Variants in PRRC2C observed in about 807,000 individuals in gnomAD.
PRRC2C encodes proline rich coiled-coil 2C.
Under a neutral mutation model 317.2 loss-of-function variants are expected in PRRC2C, and 72 were observed. The observed-to-expected ratio is 0.23, with a 90% CI of 0.19 to 0.28. The LOEUF is 0.28. Among genes scored for constraint, PRRC2C ranks in the 10% least tolerant of loss-of-function variants. The pLI is 1.00. For synonymous variants in PRRC2C, 1,296 were observed against 1,205.9 expected, an observed-to-expected ratio of 1.07 and a Z score of -1.55; for missense variants, 3,074 against 3,459.7, an observed-to-expected ratio of 0.89 and a Z score of 2.80.
At chr1:171,568,170 G>C in intron 22 of PRRC2C, 77 bp from the exon 23 acceptor site, 1 of 1,472,220 alleles carries the variant, frequency 6.8e-7, no homozygotes, top group East Asian at 2.5e-5. Flanking sequence ...GCATGATAGC[G>C]AGACTCAAAA....
In PRRC2C at chr1:171,561,075, C is replaced by A. The variant is rs778299215; in HGVS notation, c.6089C>A (p.Thr2030Lys). Residue 2030 changes from threonine (T) to lysine (K), a missense_variant, in exon 20 of 35, where the codon ACA becomes AAA. This residue lies in a region of PRRC2C where 640 missense variants were observed against 676.1 expected (regional missense o/e 0.95). Coordinates refer to ENST00000647382, the MANE Select transcript of PRRC2C (RefSeq NM_001387844.1). ...GTCAGTGCATGGAATAAGCCCTTAACATCGTTTGGATCAGCTCCTTCATCA... is the reference window on the plus strand; with the variant it reads ...GTCAGTGCATGGAATAAGCCCTTAAAATCGTTTGGATCAGCTCCTTCATCA... ...PSVSAWNKPL[T>K]SFGSAPSSEG... 1 of 1,606,750 alleles carries A rather than the reference C, an allele frequency of 6.2e-7. No homozygotes were observed. Among genetic ancestry groups the A allele is most frequent in the Non-Finnish European group, 8.5e-7 (1 of 1,173,280 alleles).
intron 26 of PRRC2C, 147 bp downstream of exon 26, chr1:171,577,784 T>TAA: frequency 1.2e-6 from 1 of 803,072 alleles, no homozygotes; most frequent in Non-Finnish European, 1.9e-6. Flanking sequence ...TTTTTTTTTT[T>TAA]TTTTTTTTTT....
rs145961831 is a variant in PRRC2C, at chr1:171,515,395, C to T, written c.401-339C>T. ...CACTATTTCAGTAATATGATTTGAACGAATTCTGAGAATTCTTAGCAGAGG... is the reference window on the plus strand; with the variant it reads ...CACTATTTCAGTAATATGATTTGAATGAATTCTGAGAATTCTTAGCAGAGG... On this transcript the variant is annotated intron_variant, in intron 4 of 34. Coordinates refer to ENST00000647382, the MANE Select transcript of PRRC2C (RefSeq NM_001387844.1). Among the ~76,000 whole-genome samples, 587 of 152,150 alleles carry T rather than the reference C, an allele frequency of 3.9e-3. 1 individual carries two copies. Among genetic ancestry groups the T allele is most frequent in the Non-Finnish European group, 5.0e-3 (341 of 68,024 alleles).
chr1:171,562,755 G>C (rs1682942806), intron 20 of PRRC2C, among the ~76,000 whole-genome samples: 1 of 152,166 alleles, frequency 6.6e-6, no homozygotes, highest in South Asian at 2.1e-4. Flanking sequence ...AGTTGGATAT[G>C]AGTCTGTAGT....
At position 171,571,441 on chromosome 1, in the gene PRRC2C, C is replaced by G; in HGVS notation, c.6753+20C>G. 2.6e-6 allele frequency: 4 copies of G among 1,519,566 alleles called. No homozygotes were observed. The highest frequency in any genetic ancestry group is 3.7e-6 in the Non-Finnish European group (4 of 1,094,506). 94.1% of individuals were successfully genotyped at this position (1,519,566 alleles called of 1,614,324 possible). On this transcript the variant is annotated intron_variant, in intron 24 of 34. Transcript: ENST00000647382. ...TTCAAGGTATGTACAACATCCATCT[C>G]TAAGAGTCCTTAATTGTTGCATGCA...
intron 10 of PRRC2C, among the ~76,000 whole-genome samples, chr1:171,525,794 A>C (rs970448282): frequency 2.0e-5 from 3 of 152,208 alleles, no homozygotes; most frequent in African/African-American, 7.2e-5. Context: ...TAGAAAGGGA[A>C]TATAGCTGTT....
chr1:171,486,048 C>T (rs1039715282), intron 1 of PRRC2C, among the ~76,000 whole-genome samples: 3 of 150,660 alleles, frequency 2.0e-5, no homozygotes, highest in Admixed American at 1.3e-4. Context: ...GAGGGGATTA[C>T]GCATGTTGCC....
At position 171,557,377 on chromosome 1, in the gene PRRC2C, A is replaced by G; in HGVS notation, c.5265A>G (p.Pro1755=). The stretch of plus-strand genomic sequence containing the variant: ...CAGTTCCACCTCTAGCTTCGGCTCC[A>G]CTTCCACCTTCAACCTCAGCTTCAG... The part of the protein sequence containing the change: ...SASVPPLASA[P]LPPSTSASVP... Residue 1755 remains proline, a synonymous_variant, in exon 19 of 35, where the codon CCA becomes CCG. Coordinates refer to ENST00000647382, the MANE Select transcript of PRRC2C (RefSeq NM_001387844.1). The G allele has an allele frequency of 1.3e-6, 2 of 1,551,736 alleles. No homozygotes were observed. The highest frequency in any genetic ancestry group is 1.7e-6 in the Non-Finnish European group (2 of 1,147,002).
rs879886950 is a variant in PRRC2C at position 171,545,774 on chromosome 1, C to T, written c.4972+87C>T. On this transcript the variant is annotated intron_variant, in intron 17 of 34. Coordinates refer to ENST00000647382, the MANE Select transcript of PRRC2C (RefSeq NM_001387844.1). The stretch of plus-strand genomic sequence containing the variant: ...GCTACATTTTAAAATGTAGATGCCA[C>T]AATTAAAGAAGTTTTCCAAGAAGGA... 10 of 929,498 alleles carry T rather than the reference C, an allele frequency of 1.1e-5. No homozygotes were observed. In the African/African-American group the frequency reaches 1.8e-4, roughly 17 times the overall value. The allele number at this position is 929,498 out of a possible 1,614,324, so 57.6% of individuals were successfully genotyped here.
chr1:171,524,886 A>G lies in PRRC2C; in HGVS notation c.1121A>G (p.Asn374Ser). 2.5e-6 allele frequency: 4 copies of G among 1,609,584 alleles called. No homozygotes were observed. Among genetic ancestry groups the G allele is most frequent in the Non-Finnish European group, 3.4e-6 (4 of 1,177,560 alleles). Reference protein sequence around the residue: ...ENKKETDEVSNTKSSSQIPAQ... With the variant: ...ENKKETDEVSSTKSSSQIPAQ... ...AAAAAAGAAACAGATGAAGTTTCCAACACTAAATCATCTTCCCAAATACCT... is the reference window on the plus strand; with the variant it reads ...AAAAAAGAAACAGATGAAGTTTCCAGCACTAAATCATCTTCCCAAATACCT... Residue 374 changes from asparagine (N) to serine (S), a missense_variant, in exon 10 of 35, where the codon AAC (asparagine) becomes AGC (serine). Asn to Ser is a conservative substitution (Grantham distance 46). Around this residue, in one of 11 missense-constraint regions of PRRC2C, gnomAD observed 1,320 missense variants for 1,395.7 expected, o/e 0.95. Transcript: ENST00000647382.
chr1:171,513,782 A>G (rs12035593), intron 3 of PRRC2C, among the ~76,000 whole-genome samples: 6,292 of 152,268 alleles, frequency 0.041, 190 homozygotes, highest in East Asian at 0.15. Context: ...TTTCTTGCCT[A>G]TCTCTTATCA....
intron 1 of PRRC2C, among the ~76,000 whole-genome samples, chr1:171,504,334 ATC>A (rs1669779560): frequency 1.3e-5 from 2 of 152,172 alleles, no homozygotes; most frequent in African/African-American, 4.8e-5. Flanking sequence ...TTGGTGTTAT[ATC>A]TAAGAAGTCC....
chr1:171,537,904 T>C (rs1387383615), intron 15 of PRRC2C, among the ~76,000 whole-genome samples: 1 of 151,748 alleles, frequency 6.6e-6, no homozygotes, highest in Non-Finnish European at 1.5e-5. Flanking sequence ...TGTTTTTGTT[T>C]TTGTTTTTGT....
At position 171,584,403 on chromosome 1, in the gene PRRC2C, A is replaced by T. The variant is rs1649385338; in HGVS notation, c.7642-16A>T. 6.5e-7 allele frequency: 1 copy of T among 1,536,308 alleles called. No individual in the cohort carries two copies. The highest frequency in any genetic ancestry group is 8.7e-7 in the Non-Finnish European group (1 of 1,144,638). ...TTTTCAGTCTTACTCATGTTTTCTT[A>T]AAAAATTTTTTCTAGGCCAGAGCAA... On this transcript the variant is annotated splice_polypyrimidine_tract_variant and intron_variant, in intron 29 of 34. Coordinates refer to ENST00000647382, the MANE Select transcript of PRRC2C (RefSeq NM_001387844.1).
intron 15 of PRRC2C, 34 bp downstream of exon 15, chr1:171,537,507 GA>G (rs1677048518): frequency 6.6e-7 from 1 of 1,516,506 alleles, no homozygotes; most frequent in Non-Finnish European, 8.9e-7. Context: ...AGATGATACA[GA>G]ATATTTTGGT....
At chr1:171,537,722 T>G (rs1677092047) in intron 15 of PRRC2C, among the ~76,000 whole-genome samples, 1 of 152,144 alleles carries the variant, frequency 6.6e-6, no homozygotes, top group African/African-American at 2.4e-5. Flanking sequence ...AGGTTCTTTT[T>G]TGAGATAGGA....
chr1:171,503,998 T>C (rs1669681808), intron 1 of PRRC2C, among the ~76,000 whole-genome samples: 1 of 152,170 alleles, frequency 6.6e-6, no homozygotes, highest in Non-Finnish European at 1.5e-5. Context: ...ACCGAGTCCC[T>C]CCCATGACAT....
intron 20 of PRRC2C, 90 bp from the exon 21 acceptor site, chr1:171,566,143 T>C: frequency 9.6e-7 from 1 of 1,039,008 alleles, no homozygotes; most frequent in Non-Finnish European, 1.4e-6. Context: ...GTCTTAAACC[T>C]TCTATTGTAC....
In PRRC2C at chr1:171,579,848, T is replaced by G. The variant is rs922731267; in HGVS notation, c.7293T>G (p.Ile2431Met). The G allele has an allele frequency of 6.3e-7, 1 of 1,578,520 alleles. No homozygotes were observed. Among genetic ancestry groups the G allele is most frequent in the Non-Finnish European group, 8.6e-7 (1 of 1,166,076 alleles). Residue 2431 changes from isoleucine (I) to methionine (M), a missense_variant, in exon 28 of 35, where the codon ATT (isoleucine) becomes ATG (methionine). Ile to Met is a conservative substitution (Grantham distance 10). This residue lies in a region of PRRC2C where 490 missense variants were observed against 663.1 expected (regional missense o/e 0.74). Transcript: ENST00000647382. ...TGCAGCCAACTTCAGTTCAGCAGAT[T>G]CCAATCCCTATTTATGCACCACTGC... is the stretch of plus-strand genomic sequence containing the variant. ...GLSQPTSVQQ[I>M]PIPIYAPLQG...
Sources: allele counts gnomAD v4.1 joint callset (sites outside exome capture counted in the v4.1 genomes callset), GRCh38; gene constraint gnomAD v4.1.1; regional missense constraint gnomAD v4.1.1; transcripts MANE v1.5; gene names NCBI Gene and HGNC (gene_info 2026-07-23, HGNC 2026-07-21).